The following KCNK5 variants were observed in gnomAD, a reference collection of about 807,000 sequenced individuals.
KCNK5 encodes potassium channel subfamily K member 5.
KCNK5 carries 18 observed loss-of-function variants against 32.9 expected under a neutral mutation model. That is an observed-to-expected ratio of 0.55 (90% CI 0.38 to 0.81). The LOEUF is 0.81. Among genes scored for constraint, KCNK5 ranks in the 30% least tolerant of loss-of-function variants. The pLI is 0.00. For missense variants in KCNK5, 507 were observed against 651.0 expected, an observed-to-expected ratio of 0.78 and a Z score of 2.41; for synonymous variants, 276 against 275.3, an observed-to-expected ratio of 1.00 and a Z score of -0.03.
intron 1 of KCNK5, among the ~76,000 whole-genome samples, chr6:39,225,555 G>A (rs1771658540): frequency 6.6e-6 from 1 of 152,144 alleles, no homozygotes; most frequent in Non-Finnish European, 1.5e-5. Flanking sequence ...GACAGGGGTT[G>A]GGGACTTCCA....
rs1226626372 is a variant in KCNK5, at chr6:39,192,283, C to CAAAAAAA, written c.635-535_635-529dup. On this transcript the variant is annotated intron_variant, in intron 4 of 4. Transcript: ENST00000359534. ...TGGGCAGCAGACAGAGACTCCGTCT[C>CAAAAAAA]AAAAAAAAAAAAAAAAAAAAAAAAA... 2.4e-4 allele frequency among the ~76,000 whole-genome samples: 11 copies of CAAAAAAA among 46,716 alleles called. 2 individuals carry two copies. Among genetic ancestry groups the CAAAAAAA allele is most frequent in the East Asian group, 7.2e-4 (1 of 1,382 alleles). 30.6% of individuals were successfully genotyped at this position (46,716 alleles called of 152,430 possible).
chr6:39,207,343 C>T (rs921652907), intron 1 of KCNK5, among the ~76,000 whole-genome samples: 4 of 152,232 alleles, frequency 2.6e-5, no homozygotes, highest in African/African-American at 7.2e-5. Context: ...TCATGGATCC[C>T]TTAATCACAG....
chr6:39,205,553 A>C (rs1771208984), intron 1 of KCNK5, among the ~76,000 whole-genome samples: 1 of 152,086 alleles, frequency 6.6e-6, no homozygotes, highest in Admixed American at 6.5e-5. Flanking sequence ...TCTCTGCCCT[A>C]TCTGGGACAC....
intron 1 of KCNK5, among the ~76,000 whole-genome samples, chr6:39,211,590 G>A (rs1314876468): frequency 1.3e-5 from 2 of 152,222 alleles, no homozygotes; most frequent in Non-Finnish European, 2.9e-5. Flanking sequence ...TATTTGCGCA[G>A]TCCCCACTGG....
rs1460202001 is a variant in KCNK5 at position 39,194,540 on chromosome 6, C to G, written c.465+54G>C. 1.3e-6 allele frequency: 2 copies of G among 1,593,166 alleles called. No homozygotes were observed. The highest frequency in any genetic ancestry group is 1.7e-6 in the Non-Finnish European group (2 of 1,165,300). On this transcript the variant is annotated intron_variant, in intron 3 of 4. Coordinates refer to ENST00000359534, the MANE Select transcript of KCNK5 (RefSeq NM_003740.4). This position sits in a 1 kb window ranked among gnomAD's most constrained non-coding sequence, Gnocchi z 4.7. ...ATTCCTAGAGGCCTCCTGTCCTCCCCTCACCTGTCATGGTTCCCCCATCTC... is the reference window on the plus strand; with the variant it reads ...ATTCCTAGAGGCCTCCTGTCCTCCCGTCACCTGTCATGGTTCCCCCATCTC...
In KCNK5 at chr6:39,226,890, C is replaced by T. The variant is rs1294607671; in HGVS notation, c.186+2036G>A. ...GGACAGGGCTGTCCTTGTTCAAGAA[C>T]TTATCTATAATAGCCTCCAAAGCAG... On this transcript the variant is annotated intron_variant, in intron 1 of 4. Transcript: ENST00000359534. Among the ~76,000 whole-genome samples, 4 of 152,264 alleles carry T rather than the reference C, an allele frequency of 2.6e-5. No homozygotes were observed. In the South Asian group the frequency reaches 8.3e-4, roughly 32 times the overall value.
intron 1 of KCNK5, among the ~76,000 whole-genome samples, chr6:39,227,952 C>A (rs1178619004): frequency 3.9e-5 from 6 of 152,172 alleles, no homozygotes; most frequent in Non-Finnish European, 8.8e-5. Context: ...CTAGAACTTT[C>A]ACCCAGGTCC....
chr6:39,194,732 G>A lies in KCNK5; in HGVS notation c.327C>T (p.Pro109=), dbSNP rs200810816. The A allele has an allele frequency of 5.9e-5, 95 of 1,614,056 alleles. No individual in the cohort carries two copies. The highest frequency in any genetic ancestry group is 9.3e-5 in the African/African-American group (7 of 75,042). Residue 109 remains proline (P), a synonymous_variant, in exon 3 of 5, where the codon CCC becomes CCT. Transcript: ENST00000359534. This position sits in a 1 kb window ranked among gnomAD's most constrained non-coding sequence, Gnocchi z 4.7. ...IGYGNVAPKT[P]AGRLFCVFYG... ...AGAAAACACAGAAGAGGCGACCGGC[G>A]GGGGTCTTGGGAGCCACATTGCCAT...
intron 1 of KCNK5, among the ~76,000 whole-genome samples, chr6:39,212,796 T>G (rs1000341323): frequency 1.3e-5 from 2 of 152,222 alleles, no homozygotes; most frequent in African/African-American, 4.8e-5. Flanking sequence ...CAACTTGGTC[T>G]GCAGACCAAA....
chr6:39,205,924 A>G (rs12523866), intron 1 of KCNK5, among the ~76,000 whole-genome samples: 15,161 of 152,186 alleles, frequency 0.1, 1,130 homozygotes, highest in African/African-American at 0.2. Flanking sequence ...CGACTTGGTT[A>G]ATAAGGGCCT....
At chr6:39,199,203 C>A (rs992198065) in intron 1 of KCNK5, among the ~76,000 whole-genome samples, 1 of 152,346 alleles carries the variant, frequency 6.6e-6, no homozygotes, top group Admixed American at 6.5e-5. Flanking sequence ...AATGCTCCCC[C>A]TGGGAAATGC....
intron 1 of KCNK5, 39 bp downstream of exon 1, chr6:39,228,887 C>T (rs925900578): frequency 6.2e-7 from 1 of 1,602,088 alleles, no homozygotes; most frequent in Non-Finnish European, 8.5e-7. Flanking sequence ...AAGCTCAAGC[C>T]AGCTTCAGAT....
intron 1 of KCNK5, among the ~76,000 whole-genome samples, chr6:39,224,118 G>A (rs2815121): frequency 0.6 from 85,013 of 142,584 alleles, 26,146 homozygotes; most frequent in Non-Finnish European, 0.69. Context: ...CTCAACTTTT[G>A]AGTGGAACAT....
At chr6:39,213,312 A>G (rs1436370944) in intron 1 of KCNK5, among the ~76,000 whole-genome samples, 1 of 152,228 alleles carries the variant, frequency 6.6e-6, no homozygotes, top group East Asian at 1.9e-4. Context: ...AGGCAGAGAA[A>G]GAAAAAGTCA....
chr6:39,225,778 A>G (rs1771661423), intron 1 of KCNK5, among the ~76,000 whole-genome samples: 1 of 152,206 alleles, frequency 6.6e-6, no homozygotes, highest in South Asian at 2.1e-4. Flanking sequence ...GGGAGGTGCA[A>G]GCTCCTGGGG....
At chr6:39,220,143 G>C (rs1185886909) in intron 1 of KCNK5, among the ~76,000 whole-genome samples, 1 of 151,868 alleles carries the variant, frequency 6.6e-6, no homozygotes, top group East Asian at 1.9e-4. Context: ...AGCCCTGCAG[G>C]ACTGGAGACT....
In KCNK5 at chr6:39,191,580, G is replaced by A. The variant is rs749833123; in HGVS notation, c.810C>T (p.Ser270=). Residue 270 remains serine, a synonymous_variant, in exon 5 of 5, where the codon TCC becomes TCT. Transcript: ENST00000359534. The surrounding 1 kb of genome is among the most constrained non-coding windows in gnomAD (Gnocchi z 5.8). ...RRRRKESFES[S]PHSRKALQVK... ...CCTGCAGGGCCTTCCGGGAGTGTGG[G>A]GAGCTCTCAAAGGACTCCTTCCGTC... 6.2e-7 allele frequency: 1 copy of A among 1,613,978 alleles called. No individual in the cohort carries two copies. The highest frequency in any genetic ancestry group is 8.5e-7 in the Non-Finnish European group (1 of 1,180,034).
chr6:39,227,243 C>T (rs1175264766), intron 1 of KCNK5, among the ~76,000 whole-genome samples: 1 of 152,048 alleles, frequency 6.6e-6, no homozygotes, highest in Non-Finnish European at 1.5e-5. Flanking sequence ...GGAAACACTT[C>T]GAGGGCAGCT....
At position 39,191,700 on chromosome 6, in the gene KCNK5, C is replaced by T; in HGVS notation, c.690G>A (p.Trp230Ter). The T allele has an allele frequency of 1.9e-6, 3 of 1,613,996 alleles. No homozygotes were observed. Among genetic ancestry groups the T allele is most frequent in the Non-Finnish European group, 2.5e-6 (3 of 1,180,006 alleles). The change falls in exon 5 of 5, where the codon TGG becomes TGA. Residue 230 changes from tryptophan to a stop codon, truncating the protein, a stop_gained. Transcript: ENST00000359534. LOFTEE classifies it high-confidence loss of function. The surrounding 1 kb of genome is among the most constrained non-coding windows in gnomAD (Gnocchi z 5.8). ...ACAGCCAGGCCAGCCCCAAGTAGAT[C>T]CAGAGCTCCACGAAGTAGCGGTACA... ...HALYRYFVEL[W>*]IYLGLAWLSL...
Sources: gnomAD v4.1 joint callset for allele counts (sites outside exome capture counted in the v4.1 genomes callset) on GRCh38, gnomAD v4.1.1 for gene constraint, Gnocchi (gnomAD v3.1) non-coding constraint, MANE v1.5 for transcripts, NCBI Gene and HGNC (gene_info 2026-07-23, HGNC 2026-07-21) for gene names.